EFHC2: variants seen among roughly 807,000 people sequenced by gnomAD.
EFHC2 encodes EF-hand domain-containing family member C2.
A neutral mutation model predicts 52.7 loss-of-function variants in EFHC2; 18 were observed. The ratio of observed to expected loss-of-function variants is 0.34; its 90% CI spans 0.24 to 0.51. The LOEUF (loss-of-function observed/expected upper bound fraction) is 0.51, where lower values mean the gene tolerates loss of function less well. Ranked by LOEUF, EFHC2 falls within the 20% of genes least tolerant of loss-of-function variation. EFHC2 has a pLI of 0.97. For synonymous variants in EFHC2, 203 were observed against 204.1 expected (o/e 0.99, Z 0.04); for missense variants, 513 against 562.5 (o/e 0.91, Z 0.89).
intron 1 of EFHC2, among the ~76,000 whole-genome samples, chrX:44,337,960 A>C (rs2038126430): frequency 8.9e-6 from 1 of 111,817 alleles, no homozygotes; most frequent in Admixed American, 9.5e-5. Context: ...AGATTGTGCT[A>C]ATGTACCATG....
rs927062958 is a variant in EFHC2, at chrX:44,272,560, T to G, written c.382+126A>C. ...CTACACGCTAATGGCATGTTTATATTCACCACTGCCAGCAGGTTAGACAGC... is the reference window on the plus strand; with the variant it reads ...CTACACGCTAATGGCATGTTTATATGCACCACTGCCAGCAGGTTAGACAGC... On this transcript the variant is annotated intron_variant, in intron 3 of 14. Coordinates refer to ENST00000420999, the MANE Select transcript of EFHC2 (RefSeq NM_025184.4). 40 of 654,506 alleles carry G rather than the reference T, an allele frequency of 6.1e-5. No homozygotes were observed. In the African/African-American group the frequency reaches 7.7e-4, roughly 13 times the overall value. The allele number at this position is 654,506 out of a possible 1,213,427, so 53.9% of individuals were successfully genotyped here.
At chrX:44,169,067 T>C (rs2036722923) in intron 13 of EFHC2, among the ~76,000 whole-genome samples, 1 of 111,228 alleles carries the variant, frequency 9.0e-6, no homozygotes, top group Non-Finnish European at 1.9e-5. Flanking sequence ...ATTACATTCC[T>C]GAAAAAAGAA....
chrX:44,265,691 T>C (rs2037571466), intron 3 of EFHC2, among the ~76,000 whole-genome samples: 1 of 111,987 alleles, frequency 8.9e-6, no homozygotes, highest in Non-Finnish European at 1.9e-5. Context: ...TTGCCACTTA[T>C]CATCACATCT....
chrX:44,151,781 A>T (rs73628308), intron 14 of EFHC2, among the ~76,000 whole-genome samples: 3,676 of 111,967 alleles, frequency 0.033, 174 homozygotes, highest in African/African-American at 0.11. Flanking sequence ...GGAAAAGTTG[A>T]AAAACATTTT....
intron 2 of EFHC2, among the ~76,000 whole-genome samples, chrX:44,302,703 G>C (rs1297086701): frequency 2.7e-5 from 3 of 111,580 alleles, no homozygotes; most frequent in African/African-American, 9.8e-5. Flanking sequence ...GTAAAACATG[G>C]GATTAAAACG....
At chrX:44,303,567 C>T (rs1287521395) in intron 2 of EFHC2, among the ~76,000 whole-genome samples, 2 of 109,509 alleles carry the variant, frequency 1.8e-5, no homozygotes, top group African/African-American at 6.7e-5. Flanking sequence ...CATTAGACAT[C>T]CCACAGTTGC....
At chrX:44,151,710 G>C (rs1749287383) in intron 14 of EFHC2, among the ~76,000 whole-genome samples, 1 of 112,140 alleles carries the variant, frequency 8.9e-6, no homozygotes, top group Non-Finnish European at 1.9e-5. Flanking sequence ...CTGAGGTTTA[G>C]GGTAGACATG....
intron 2 of EFHC2, among the ~76,000 whole-genome samples, chrX:44,296,525 C>A (rs2037826818): frequency 1.8e-5 from 2 of 111,134 alleles, no homozygotes; most frequent in East Asian, 5.7e-4. Context: ...AAAGGAAGTA[C>A]AATTTCAACT....
At position 44,315,301 on chromosome X, in the gene EFHC2, CT is replaced by C. The variant is rs1298402904; in HGVS notation, c.43-2546del. On this transcript the variant is annotated intron_variant, in intron 1 of 14. Coordinates refer to ENST00000420999, the MANE Select transcript of EFHC2 (RefSeq NM_025184.4). ...CTGCAGAACCATGAGCCAATTAAGC[CT>C]TTTTTTTTTAATAAATTACCCAGCC... is the stretch of plus-strand genomic sequence containing the variant. 3.7e-4 allele frequency among the ~76,000 whole-genome samples: 39 copies of C among 105,676 alleles called. No individual in the cohort carries two copies. In the East Asian group the frequency reaches 3.9e-3, roughly 10 times the overall value. 91.8% of individuals were successfully genotyped at this position (105,676 alleles called of 115,157 possible). A position where few individuals can be genotyped will look rare whatever the true frequency, so the allele number is the denominator to read the frequency against.
At chrX:44,226,283 A>G (rs1302969637) in intron 11 of EFHC2, among the ~76,000 whole-genome samples, 1 of 111,602 alleles carries the variant, frequency 9.0e-6, no homozygotes, top group Non-Finnish European at 1.9e-5. Context: ...GGTCCAAGTA[A>G]ACAGTGATGA....
At chrX:44,231,504 C>T (rs760784069) in intron 10 of EFHC2, among the ~76,000 whole-genome samples, 2 of 109,605 alleles carry the variant, frequency 1.8e-5, no homozygotes, top group Admixed American at 1.9e-4. Context: ...ACCTGCCTCC[C>T]GGTCTGAAGG....
intron 13 of EFHC2, among the ~76,000 whole-genome samples, chrX:44,166,066 G>A (rs983101446): frequency 5.4e-5 from 6 of 111,287 alleles, no homozygotes; most frequent in African/African-American, 2.0e-4. Flanking sequence ...CCTAGTTTAC[G>A]GTATTGTTAT....
chrX:44,150,929 G>C (rs546374039), intron 14 of EFHC2, among the ~76,000 whole-genome samples: 2 of 111,080 alleles, frequency 1.8e-5, no homozygotes, highest in African/African-American at 6.5e-5. Flanking sequence ...TACCGGAGTA[G>C]GGTGGGCCCC....
At chrX:44,316,794 C>T (rs1369904404) in intron 1 of EFHC2, among the ~76,000 whole-genome samples, 1 of 111,988 alleles carries the variant, frequency 8.9e-6, no homozygotes, top group Non-Finnish European at 1.9e-5. Flanking sequence ...AAAACACAAA[C>T]AATTGAATTT....
At chrX:44,342,884 A>AAAAAAAAAAG (rs1334541979) in intron 1 of EFHC2, among the ~76,000 whole-genome samples, 1 of 107,998 alleles carries the variant, frequency 9.3e-6, no homozygotes, top group African/African-American at 3.4e-5. Flanking sequence ...TCAAAAAAAA[A>AAAAAAAAAAG]AAAAGAAATG....
At position 44,312,616 on chromosome X, in the gene EFHC2, A is replaced by T. The variant is rs372259193; in HGVS notation, c.183T>A (p.Pro61=). The change falls in exon 2 of 15, where the codon CCT becomes CCA. Residue 61 remains proline, a synonymous_variant. Coordinates refer to ENST00000420999, the MANE Select transcript of EFHC2 (RefSeq NM_025184.4). The part of the protein sequence containing the change: ...QKIKPKCSIY[P]KGDGSDVPSW... ...ATGGTACATCACTTCCATCTCCTTTAGGATATATGCTACATTTAGGCTTTA... is the reference window on the plus strand; with the variant it reads ...ATGGTACATCACTTCCATCTCCTTTTGGATATATGCTACATTTAGGCTTTA... 4.1e-6 allele frequency: 5 copies of T among 1,209,508 alleles called. No individual in the cohort carries two copies. The highest frequency in any genetic ancestry group is 3.0e-5 in the East Asian group (1 of 33,674).
At chrX:44,310,507 C>A in intron 2 of EFHC2, 4 of 446,978 alleles carry the variant, frequency 8.9e-6, no homozygotes, top group Non-Finnish European at 1.5e-5. Flanking sequence ...GAGTGAGGGG[C>A]CGGGACCGGG....
rs2037242791 is a variant in EFHC2 at position 44,227,592 on chromosome X, C to A, written c.1751+2057G>T. Among the ~76,000 whole-genome samples, 5 of 111,368 alleles carry A rather than the reference C, an allele frequency of 4.5e-5. No homozygotes were observed. The Admixed American group carries it at 4.8e-4, about 11-fold the overall frequency. ...CAGCAGTAGGGGATGCTGCAGGGAA[C>A]AACACCATTGAGTTCCCCACCCTCA... On this transcript the variant is annotated intron_variant, in intron 11 of 14. Coordinates refer to ENST00000420999, the MANE Select transcript of EFHC2 (RefSeq NM_025184.4).
chrX:44,211,866 CAAA>C (rs1164155147), intron 11 of EFHC2, among the ~76,000 whole-genome samples: 4 of 50,441 alleles, frequency 7.9e-5, no homozygotes, highest in Non-Finnish European at 7.4e-5. Flanking sequence ...GACTCCCTCT[CAAA>C]AAAAAAAAAA....
Sources: allele counts gnomAD v4.1 joint callset (sites outside exome capture counted in the v4.1 genomes callset), GRCh38; gene constraint gnomAD v4.1.1; transcripts MANE v1.5; gene names NCBI Gene and HGNC (gene_info 2026-07-23, HGNC 2026-07-21).